The following PDLIM5 variants were observed in gnomAD, a reference collection of about 807,000 sequenced individuals.
PDLIM5 encodes the protein PDZ and LIM domain 5.
A neutral mutation model predicts 64.2 loss-of-function variants in PDLIM5; 34 were observed. The observed-to-expected ratio is 0.53, with a 90% CI of 0.40 to 0.71. The LOEUF is 0.71. Among genes scored for constraint, PDLIM5 ranks in the 30% least tolerant of loss-of-function variants. PDLIM5 has a pLI of 0.00. For missense variants in PDLIM5, 683 were observed against 733.6 expected (o/e 0.93, Z 0.80); for synonymous variants, 253 against 269.1 (o/e 0.94, Z 0.59).
intron 3 of PDLIM5, among the ~76,000 whole-genome samples, chr4:94,544,374 G>A (rs1468956527): frequency 1.3e-5 from 2 of 152,128 alleles, no homozygotes; most frequent in Non-Finnish European, 2.9e-5. Flanking sequence ...CACCCATATA[G>A]GTACATATTC....
chr4:94,456,469 A>G (rs1723375817), intron 2 of PDLIM5: 1 of 701,424 alleles, frequency 1.4e-6, no homozygotes, highest in Admixed American at 2.0e-5. Flanking sequence ...AAGTGCTAAG[A>G]TTACAGGCGT....
intron 2 of PDLIM5, among the ~76,000 whole-genome samples, chr4:94,476,128 A>G (rs886501374): frequency 6.6e-6 from 1 of 152,206 alleles, no homozygotes; most frequent in African/African-American, 2.4e-5. Flanking sequence ...AGAATAAAGT[A>G]TGGATGCACT....
At chr4:94,585,094 GT>G (rs762949802) in intron 5 of PDLIM5, 4 of 746,702 alleles carry the variant, frequency 5.4e-6, no homozygotes, top group Non-Finnish European at 8.8e-6. Context: ...AGGTTTTTTT[GT>G]TTTGTTTTTT....
At chr4:94,563,937 CTTTTTTTTT>C (rs1295763694) in intron 3 of PDLIM5, among the ~76,000 whole-genome samples, 1 of 97,288 alleles carries the variant, frequency 1.0e-5, no homozygotes, top group East Asian at 3.2e-4. Context: ...AGCAATTTTT[CTTTTTTTTT>C]TTTCTTTCTT....
intron 2 of PDLIM5, among the ~76,000 whole-genome samples, chr4:94,481,255 T>C (rs1227357665): frequency 1.3e-5 from 2 of 151,914 alleles, no homozygotes; most frequent in African/African-American, 4.8e-5. Context: ...GTGGGGTTGC[T>C]GCATTATCTT....
intron 2 of PDLIM5, among the ~76,000 whole-genome samples, chr4:94,482,912 G>GA (rs912180952): frequency 2.6e-5 from 4 of 151,710 alleles, no homozygotes; most frequent in Non-Finnish European, 5.9e-5. Flanking sequence ...AATAAATACA[G>GA]AAAAAAATGT....
intron 1 of PDLIM5, among the ~76,000 whole-genome samples, chr4:94,454,156 T>G (rs1357787941): frequency 6.6e-6 from 1 of 152,112 alleles, no homozygotes; most frequent in Non-Finnish European, 1.5e-5. Context: ...TTTGGTTGAA[T>G]AGCTTACATT....
At chr4:94,588,590 A>G (rs1009245583) in intron 7 of PDLIM5, among the ~76,000 whole-genome samples, 24 of 151,706 alleles carry the variant, frequency 1.6e-4, no homozygotes, top group Admixed American at 4.6e-4. Flanking sequence ...TAAATAAATA[A>G]ATAAATAAAT....
intron 5 of PDLIM5, among the ~76,000 whole-genome samples, chr4:94,578,783 T>C (rs1016754304): frequency 6.6e-6 from 1 of 152,166 alleles, no homozygotes; most frequent in Non-Finnish European, 1.5e-5. Context: ...CAAAACTCTT[T>C]TAAAGTTGAG....
intron 11 of PDLIM5, among the ~76,000 whole-genome samples, chr4:94,659,494 A>ATGTGTG (rs1163008328): frequency 1.6e-3 from 174 of 109,074 alleles, no homozygotes; most frequent in African/African-American, 4.7e-3. Context: ...ATATGTGTGT[A>ATGTGTG]TGTGTGTGTG....
intron 7 of PDLIM5, among the ~76,000 whole-genome samples, chr4:94,606,933 G>A (rs1456033804): frequency 4.6e-5 from 7 of 152,058 alleles, no homozygotes; most frequent in Non-Finnish European, 7.4e-5. Flanking sequence ...TTGTTATTTC[G>A]ATTTTCTTAA....
chr4:94,648,700 T>C (rs1418951627), intron 9 of PDLIM5, among the ~76,000 whole-genome samples: 2 of 152,166 alleles, frequency 1.3e-5, no homozygotes, highest in African/African-American at 2.4e-5. Context: ...GCTGAAGTTA[T>C]CATGTAGAGA....
chr4:94,553,457 C>T (rs770916639), intron 3 of PDLIM5, among the ~76,000 whole-genome samples: 3 of 152,306 alleles, frequency 2.0e-5, no homozygotes, highest in Middle Eastern at 3.4e-3. Context: ...TGCGATAGTA[C>T]TTCTCTTGCC....
At chr4:94,604,724 CAATGGGTATAGAGTTTCG>C (rs1737777021) in intron 7 of PDLIM5, among the ~76,000 whole-genome samples, 1 of 152,064 alleles carries the variant, frequency 6.6e-6, no homozygotes, top group South Asian at 2.1e-4. Flanking sequence ...GGTAGTTGTT[CAATGGGTATAGAGTTTCG>C]AATATGCAAG....
At chr4:94,650,134 G>A (rs1741727253) in intron 9 of PDLIM5, among the ~76,000 whole-genome samples, 1 of 152,198 alleles carries the variant, frequency 6.6e-6, no homozygotes, top group Non-Finnish European at 1.5e-5. Context: ...AGGAAGGATT[G>A]TTAATGTCTG....
At chr4:94,520,891 A>G (rs1045183779) in intron 2 of PDLIM5, among the ~76,000 whole-genome samples, 1 of 152,216 alleles carries the variant, frequency 6.6e-6, no homozygotes, top group East Asian at 1.9e-4. Context: ...TATATGAAAG[A>G]TTGTTCAGAT....
chr4:94,560,927 TC>T (rs1221401960), intron 3 of PDLIM5, among the ~76,000 whole-genome samples: 1 of 152,034 alleles, frequency 6.6e-6, no homozygotes, highest in Non-Finnish European at 1.5e-5. Context: ...AGGGTTTACA[TC>T]GTGTTAGCCA....
intron 8 of PDLIM5, among the ~76,000 whole-genome samples, chr4:94,635,600 T>A (rs1440273616): frequency 1.3e-5 from 2 of 152,244 alleles, no homozygotes; most frequent in Non-Finnish European, 2.9e-5. Flanking sequence ...GTCAATGTGC[T>A]ACCCATGGAA....
At chr4:94,567,508 ATTT>A (rs35850642) in intron 3 of PDLIM5, among the ~76,000 whole-genome samples, 3 of 148,114 alleles carry the variant, frequency 2.0e-5, no homozygotes, top group African/African-American at 7.4e-5. Context: ...GTACAGATTG[ATTT>A]TTTTTTTTTT....
Sources: allele counts gnomAD v4.1 joint callset (sites outside exome capture counted in the v4.1 genomes callset), GRCh38; gene constraint gnomAD v4.1.1; transcripts MANE v1.5; gene names NCBI Gene and HGNC (gene_info 2026-07-23, HGNC 2026-07-21).